The following POLE2 variants were observed in gnomAD, a reference collection of about 807,000 sequenced individuals.
The protein encoded by POLE2 is DNA polymerase epsilon 2, accessory subunit, also known as DNA polymerase epsilon subunit 2.
A neutral mutation model predicts 79.4 loss-of-function variants in POLE2; 56 were observed. The ratio of observed to expected loss-of-function variants is 0.71; its 90% CI spans 0.57 to 0.88. The LOEUF (loss-of-function observed/expected upper bound fraction) is 0.88. Among genes scored for constraint, POLE2 ranks in the 40% least tolerant of loss-of-function variants. The pLI, the probability that POLE2 is intolerant of heterozygous loss-of-function variation, is 0.00. For synonymous variants in POLE2, 212 were observed against 214.0 expected, an observed-to-expected ratio of 0.99 and a Z score of 0.08; for missense variants, 598 against 638.9, an observed-to-expected ratio of 0.94 and a Z score of 0.69.
Position 49,683,667 on chromosome 14 carries a change from G to T in POLE2, c.95C>A (p.Ala32Asp). 6.3e-7 allele frequency: 1 copy of T among 1,581,272 alleles called. No homozygotes were observed. Among genetic ancestry groups the T allele is most frequent in the Non-Finnish European group, 8.7e-7 (1 of 1,153,262 alleles). The change falls in exon 2 of 19, where the codon GCT (alanine) becomes GAT (aspartate). Residue 32 changes from alanine (A) to aspartate (D), a missense_variant. Ala to Asp is a moderately radical substitution (Grantham distance 126, BLOSUM62 -2). Transcript: ENST00000216367. ...CTCTAATTCACTGATAGACTGAAGA[G>T]CTTCTGTGAGGTACTTAATAGCTTC... Reference protein sequence around the residue: ...RGEAIKYLTEALQSISELELE... With the variant: ...RGEAIKYLTEDLQSISELELE...
In POLE2 at chr14:49,650,251, A is replaced by T; in HGVS notation, c.1497+14T>A. The stretch of plus-strand genomic sequence containing the variant: ...TGATAAATAATGACTATATAAGATT[A>T]ACTACATTCTTACAGGGTTTATGCA... On this transcript the variant is annotated intron_variant, in intron 17 of 18. Transcript: ENST00000216367. 1 of 1,442,620 alleles carries T rather than the reference A, an allele frequency of 6.9e-7. No individual in the cohort carries two copies. The highest frequency in any genetic ancestry group is 9.5e-7 in the Non-Finnish European group (1 of 1,052,316). 89.4% of individuals were successfully genotyped at this position (1,442,620 alleles called of 1,614,324 possible). A position where few individuals can be genotyped will look rare whatever the true frequency, so the allele number is the denominator to read the frequency against.
intron 6 of POLE2, among the ~76,000 whole-genome samples, chr14:49,669,115 C>G (rs909013826): frequency 6.6e-6 from 1 of 152,158 alleles, no homozygotes; most frequent in African/African-American, 2.4e-5. Context: ...AGTTCAATAA[C>G]TGTGTGTGGT....
At chr14:49,682,562 A>T (rs1422534054) in intron 2 of POLE2, among the ~76,000 whole-genome samples, 10 of 147,058 alleles carry the variant, frequency 6.8e-5, no homozygotes, top group Non-Finnish European at 1.3e-4. Flanking sequence ...ATTTGAACCC[A>T]GGAGGCAGAG....
In POLE2 at chr14:49,674,479, C is replaced by T. The variant is rs529694082; in HGVS notation, c.246-52G>A. The T allele has an allele frequency of 3.8e-6, 4 of 1,051,422 alleles. No homozygotes were observed. In the South Asian group the frequency reaches 5.3e-5, roughly 14 times the overall value. 65.1% of individuals were successfully genotyped at this position (1,051,422 alleles called of 1,614,324 possible). A position where few individuals can be genotyped will look rare whatever the true frequency, so the allele number is the denominator to read the frequency against. ...CCTGATTTACTAAAACATAAGTACT[C>T]TAGGTGAACATGATAACTTGCATTA... On this transcript the variant is annotated intron_variant, in intron 3 of 18. Coordinates refer to ENST00000216367, the MANE Select transcript of POLE2 (RefSeq NM_002692.4).
At chr14:49,675,817 G>A (rs554922682) in intron 3 of POLE2, among the ~76,000 whole-genome samples, 37 of 152,166 alleles carry the variant, frequency 2.4e-4, no homozygotes, top group Non-Finnish European at 3.8e-4. Context: ...GCAGTGGCAC[G>A]ATCTCAGCTC....
At chr14:49,667,736 C>T (rs576882987) in intron 6 of POLE2, among the ~76,000 whole-genome samples, 2 of 152,150 alleles carry the variant, frequency 1.3e-5, no homozygotes, top group African/African-American at 4.8e-5. Context: ...GAATAAAGTT[C>T]TACACATTCT....
chr14:49,644,233 G>A (rs949283205), intron 18 of POLE2, among the ~76,000 whole-genome samples: 84 of 150,564 alleles, frequency 5.6e-4, no homozygotes, highest in Non-Finnish European at 7.8e-4. Flanking sequence ...AAAAGTAGCC[G>A]GGCGCGGTGG....
In POLE2 at chr14:49,655,073, G is replaced by T. The variant is rs748238826; in HGVS notation, c.950C>A (p.Thr317Asn). 5 of 1,550,516 alleles carry T rather than the reference G, an allele frequency of 3.2e-6. No homozygotes were observed. The highest frequency in any genetic ancestry group is 4.4e-6 in the Non-Finnish European group (5 of 1,145,252). ...MFAGYSPAPP[T>N]CFILCGNFSS... is the part of the protein sequence containing the mutation. ...AAAATTACCACACAGAATAAAGCAG[G>T]TTGGAGGTGCTGGTGAATAACCTAA... The change falls in exon 12 of 19, where the codon ACC (threonine) becomes AAC (asparagine). Residue 317 changes from threonine (T) to asparagine (N), a missense_variant. Physicochemically the swap from Thr to Asn is moderately conservative, Grantham distance 65. Transcript: ENST00000216367.
chr14:49,666,476 T>G, intron 6 of POLE2, 63 bp from the exon 7 acceptor site: 1 of 669,444 alleles, frequency 1.5e-6, no homozygotes, highest in Non-Finnish European at 2.4e-6. Context: ...ACAAAACTTT[T>G]TATAAATAAC....
intron 3 of POLE2, chr14:49,679,469 C>T (rs1215350928): frequency 5.6e-6 from 2 of 359,586 alleles, no homozygotes; most frequent in Non-Finnish European, 1.0e-5. Context: ...TCAGATCAAC[C>T]GGTTGGGTAG....
At chr14:49,682,987 A>ACCAAATT (rs1886841127) in intron 2 of POLE2, among the ~76,000 whole-genome samples, 1 of 152,152 alleles carries the variant, frequency 6.6e-6, no homozygotes, top group African/African-American at 2.4e-5. Context: ...GATCAAAATC[A>ACCAAATT]GAAGCCAAGT....
At chr14:49,662,222 G>T (rs572009903) in intron 10 of POLE2, among the ~76,000 whole-genome samples, 5 of 152,150 alleles carry the variant, frequency 3.3e-5, no homozygotes, top group Admixed American at 2.6e-4. Flanking sequence ...CTCTGCACAG[G>T]CCGCCCTGCC....
intron 6 of POLE2, among the ~76,000 whole-genome samples, chr14:49,668,463 A>G (rs1444282725): frequency 1.3e-5 from 2 of 152,108 alleles, no homozygotes; most frequent in African/African-American, 4.8e-5. Flanking sequence ...AAAAGAAAAA[A>G]AAAAAAAAGA....
At chr14:49,675,130 G>A (rs1886177919) in intron 3 of POLE2, among the ~76,000 whole-genome samples, 1 of 151,552 alleles carries the variant, frequency 6.6e-6, no homozygotes. Flanking sequence ...TGTTGCCCAG[G>A]CTGGAGTGCA....
At chr14:49,656,322 C>T (rs1168394956) in intron 10 of POLE2, among the ~76,000 whole-genome samples, 3 of 149,630 alleles carry the variant, frequency 2.0e-5, no homozygotes, top group Non-Finnish European at 4.4e-5. Context: ...CGCCACTGCA[C>T]TCCAACCTGG....
chr14:49,664,241 C>T (rs949526528), intron 9 of POLE2, among the ~76,000 whole-genome samples: 51 of 142,938 alleles, frequency 3.6e-4, no homozygotes, highest in African/African-American at 1.2e-3. Flanking sequence ...CTCAGCTACT[C>T]GGAAGGCTGA....
intron 13 of POLE2, 157 bp from the exon 14 acceptor site, chr14:49,654,371 C>G (rs1884493998): frequency 1.6e-6 from 1 of 623,170 alleles, no homozygotes; most frequent in Non-Finnish European, 2.8e-6. Flanking sequence ...CAGACCAACA[C>G]TGTCTAGTAA....
At chr14:49,662,943 T>C (rs1004171547) in intron 10 of POLE2, among the ~76,000 whole-genome samples, 4 of 152,230 alleles carry the variant, frequency 2.6e-5, no homozygotes, top group African/African-American at 9.6e-5. Flanking sequence ...ATAAGCTACC[T>C]CACATAACTT....
rs1884551601 is a variant in POLE2, at chr14:49,655,039, T to C, written c.984A>G (p.Ala328=). The C allele has an allele frequency of 1.9e-6, 3 of 1,580,944 alleles. No homozygotes were observed. In the African/African-American group the frequency reaches 4.1e-5, roughly 21 times the overall value. Residue 328 remains alanine, a synonymous_variant, in exon 12 of 19, where the codon GCA becomes GCG. Coordinates refer to ENST00000216367, the MANE Select transcript of POLE2 (RefSeq NM_002692.4). The stretch of plus-strand genomic sequence containing the variant: ...CTTGAACTTGATTTTTTCCATATGG[T>C]GCAGATGAAAAATTACCACACAGAA... ...CFILCGNFSS[A]PYGKNQVQAL... is the part of the protein sequence containing the mutation.
Sources: gnomAD v4.1 joint callset for allele counts (sites outside exome capture counted in the v4.1 genomes callset) on GRCh38, gnomAD v4.1.1 for gene constraint, MANE v1.5 for transcripts, NCBI Gene and HGNC (gene_info 2026-07-23, HGNC 2026-07-21) for gene names.